The following SOBP variants were observed in gnomAD, a reference collection of about 807,000 sequenced individuals.
SOBP encodes the protein sine oculis binding protein homolog.
In SOBP, 4 loss-of-function variants were observed where a neutral mutation model predicts 53.6. The ratio of observed to expected loss-of-function variants is 0.07; its 90% CI spans 0.04 to 0.17. The LOEUF is 0.17. Among genes scored for constraint, SOBP ranks in the 10% least tolerant of loss-of-function variants. SOBP has a pLI of 1.00. For synonymous variants in SOBP, 584 were observed against 522.6 expected, an observed-to-expected ratio of 1.12 and a Z score of -1.60; for missense variants, 1,088 against 1,204.7, an observed-to-expected ratio of 0.90 and a Z score of 1.43.
At position 107,509,213 on chromosome 6, in the gene SOBP, G is replaced by C. The variant is rs374682939; in HGVS notation, c.421+2786G>C. On this transcript the variant is annotated intron_variant, in intron 3 of 6. Coordinates refer to ENST00000317357, the MANE Select transcript of SOBP (RefSeq NM_018013.4). ...AGTTTGAGACCAGCCTGACCAACAT[G>C]GAGAAACCCCATCTCTACTAAAAAT... 4.6e-5 allele frequency among the ~76,000 whole-genome samples: 7 copies of C among 152,090 alleles called. No homozygotes were observed. The East Asian group carries it at 1.2e-3, about 25-fold the overall frequency.
chr6:107,542,758 T>A (rs1395216393), intron 4 of SOBP, among the ~76,000 whole-genome samples: 1 of 151,730 alleles, frequency 6.6e-6, no homozygotes, highest in Non-Finnish European at 1.5e-5. Context: ...TGTTTTTTTG[T>A]GTGTTTTGTT....
In SOBP at chr6:107,635,480, C is replaced by G. The variant is rs1288558313; in HGVS notation, c.*3+11C>G. The G allele has an allele frequency of 1.2e-6, 2 of 1,611,652 alleles. No individual in the cohort carries two copies. The highest frequency in any genetic ancestry group is 2.7e-5 in the African/African-American group (2 of 74,922). On this transcript the variant is annotated intron_variant, in intron 6 of 6. Coordinates refer to ENST00000317357, the MANE Select transcript of SOBP (RefSeq NM_018013.4). The surrounding 1 kb of genome is among the most constrained non-coding windows in gnomAD (Gnocchi z 4.5). ...CAGAATAAGTAAAAGGTTTGTATGT[C>G]CGCCGGGCGCTCCTCCACACCAGCC...
intron 2 of SOBP, among the ~76,000 whole-genome samples, chr6:107,505,548 C>G (rs1436678442): frequency 6.6e-6 from 1 of 151,980 alleles, no homozygotes; most frequent in Non-Finnish European, 1.5e-5. Flanking sequence ...GTTTCAAACT[C>G]CTGGCCTCAA....
chr6:107,539,086 C>A (rs944042865), intron 4 of SOBP, among the ~76,000 whole-genome samples: 2 of 152,126 alleles, frequency 1.3e-5, no homozygotes, highest in Non-Finnish European at 2.9e-5. Context: ...TTCACCAAAA[C>A]ACTTGAAAAC....
At position 107,503,008 on chromosome 6, in the gene SOBP, G is replaced by T. The variant is rs945060353; in HGVS notation, c.97-649G>T. ...ACTCTTGACCTCAAGTAATCTGTCT[G>T]CCTCAGCCTTCCAAAGTGCGGGATT... On this transcript the variant is annotated intron_variant, in intron 1 of 6. Coordinates refer to ENST00000317357, the MANE Select transcript of SOBP (RefSeq NM_018013.4). 2.0e-5 allele frequency among the ~76,000 whole-genome samples: 3 copies of T among 152,294 alleles called. No individual in the cohort carries two copies. In the East Asian group the frequency reaches 5.8e-4, roughly 29 times the overall value.
At chr6:107,511,530 T>C (rs1241759211) in intron 3 of SOBP, 1 of 152,216 alleles carries the variant, frequency 6.6e-6, no homozygotes, top group Non-Finnish European at 1.5e-5. Flanking sequence ...CCCAAGCATG[T>C]GTTTCATGTG....
Position 107,635,180 on chromosome 6 carries a change from A to C in SOBP, c.2336A>C (p.Asn779Thr). The C allele has an allele frequency of 6.2e-7, 1 of 1,613,800 alleles. No individual in the cohort carries two copies. The highest frequency in any genetic ancestry group is 8.5e-7 in the Non-Finnish European group (1 of 1,179,944). Residue 779 changes from asparagine (N) to threonine (T), a missense_variant, in exon 6 of 7, where the codon AAC becomes ACC. Coordinates refer to ENST00000317357, the MANE Select transcript of SOBP (RefSeq NM_018013.4). The surrounding 1 kb of genome is among the most constrained non-coding windows in gnomAD (Gnocchi z 4.5). ...GTCAAGGAGAATAACTGTGCTTCCA[A>C]CTGCCACCTGGACGGGGAGGCGGCC... is the stretch of plus-strand genomic sequence containing the variant. ...ESVKENNCAS[N>T]CHLDGEAAKK... is the part of the protein sequence containing the mutation.
intron 5 of SOBP, among the ~76,000 whole-genome samples, chr6:107,618,834 A>G (rs1257876858): frequency 6.6e-6 from 1 of 152,212 alleles, no homozygotes; most frequent in African/African-American, 2.4e-5. Context: ...ACTGGTATTC[A>G]TGACATCCTG....
chr6:107,657,930 G>T (rs964722220), intron 6 of SOBP, among the ~76,000 whole-genome samples: 1 of 152,054 alleles, frequency 6.6e-6, no homozygotes, highest in Non-Finnish European at 1.5e-5. Context: ...TGGTCTTTGG[G>T]TGAGGGCGTG....
At chr6:107,492,338 T>C (rs1313282486) in intron 1 of SOBP, among the ~76,000 whole-genome samples, 1 of 151,974 alleles carries the variant, frequency 6.6e-6, no homozygotes, top group Non-Finnish European at 1.5e-5. Flanking sequence ...GGGAGAGAGG[T>C]GAAAGCCACT....
chr6:107,556,720 G>C (rs1363092025), intron 4 of SOBP, among the ~76,000 whole-genome samples: 1 of 152,226 alleles, frequency 6.6e-6, no homozygotes, highest in Non-Finnish European at 1.5e-5. Context: ...ATAAGAGGTA[G>C]AACGGAAACC....
intron 5 of SOBP, among the ~76,000 whole-genome samples, chr6:107,612,028 C>G (rs548762225): frequency 1.3e-5 from 2 of 152,256 alleles, no homozygotes; most frequent in Admixed American, 6.5e-5. Context: ...TTCTTTTGAA[C>G]CTTTAAGCAG....
intron 6 of SOBP, among the ~76,000 whole-genome samples, chr6:107,643,668 C>T (rs1170100548): frequency 1.3e-5 from 2 of 152,102 alleles, no homozygotes; most frequent in African/African-American, 4.8e-5. Flanking sequence ...ATCCACCTGT[C>T]TAGGCCTCCC....
intron 6 of SOBP, among the ~76,000 whole-genome samples, chr6:107,656,349 G>A (rs1189794545): frequency 5.3e-5 from 2 of 37,954 alleles, no homozygotes; most frequent in Admixed American, 5.7e-4. Context: ...GAAAGAGAAA[G>A]AAAGAAAGAA....
Position 107,634,825 on chromosome 6 carries a change from C to G in SOBP, c.1981C>G (p.Arg661Gly). ...DGVIDLTVGH[R>G]ARLHNVIHRA... ...CGTCATCGACCTGACCGTGGGCCACCGAGCCCGGCTGCACAACGTGATCCA... is the reference window on the plus strand; with the variant it reads ...CGTCATCGACCTGACCGTGGGCCACGGAGCCCGGCTGCACAACGTGATCCA... Residue 661 changes from arginine to glycine, a missense_variant, in exon 6 of 7, where the codon CGA becomes GGA. Arg to Gly is a moderately radical substitution (Grantham distance 125, BLOSUM62 -2). Coordinates refer to ENST00000317357, the MANE Select transcript of SOBP (RefSeq NM_018013.4). The surrounding 1 kb of genome is among the most constrained non-coding windows in gnomAD (Gnocchi z 4.5). 1.4e-6 allele frequency: 2 copies of G among 1,407,572 alleles called. No individual in the cohort carries two copies. Among genetic ancestry groups the G allele is most frequent in the Non-Finnish European group, 1.9e-6 (2 of 1,077,572 alleles). The allele number at this position is 1,407,572 out of a possible 1,614,324, so 87.2% of individuals were successfully genotyped here. A position where few individuals can be genotyped will look rare whatever the true frequency, so the allele number is the denominator to read the frequency against.
chr6:107,560,412 C>G (rs2115024038), intron 4 of SOBP, among the ~76,000 whole-genome samples: 1 of 152,226 alleles, frequency 6.6e-6, no homozygotes, highest in South Asian at 2.1e-4. Context: ...TTTCCAGGGT[C>G]TCACCTTTGT....
chr6:107,559,287 C>T (rs569941451), intron 4 of SOBP, among the ~76,000 whole-genome samples: 7 of 152,124 alleles, frequency 4.6e-5, no homozygotes, highest in Admixed American at 1.3e-4. Context: ...TTACTTCCCA[C>T]GCTACACCGA....
intron 1 of SOBP, among the ~76,000 whole-genome samples, chr6:107,502,293 A>G (rs1454113149): frequency 6.6e-6 from 1 of 152,206 alleles, no homozygotes; most frequent in Non-Finnish European, 1.5e-5. Context: ...AGCTTCTAAG[A>G]AGGATAATAA....
intron 3 of SOBP, among the ~76,000 whole-genome samples, chr6:107,509,555 C>T (rs1783104926): frequency 6.6e-6 from 1 of 152,026 alleles, no homozygotes; most frequent in African/African-American, 2.4e-5. Context: ...AAATTGGTCT[C>T]TAAGATTTAT....
Sources: allele counts gnomAD v4.1 joint callset (sites outside exome capture counted in the v4.1 genomes callset), GRCh38; gene constraint gnomAD v4.1.1; non-coding constraint Gnocchi (gnomAD v3.1); transcripts MANE v1.5; gene names NCBI Gene and HGNC (gene_info 2026-07-23, HGNC 2026-07-21).